The following CRYBA1 variants were observed in gnomAD, a reference collection of about 807,000 sequenced individuals.
The protein encoded by CRYBA1 is crystallin beta A1.
In CRYBA1, 25 loss-of-function variants were observed where a neutral mutation model predicts 36.2. That is an observed-to-expected ratio of 0.69 (90% CI 0.50 to 0.97). CRYBA1 has a LOEUF of 0.97. Ranked by LOEUF, CRYBA1 falls within the 50% of genes least tolerant of loss-of-function variation. The probability of loss-of-function intolerance (pLI) is 0.00; values close to 1 mark genes in which losing one functional copy is unlikely to be tolerated. For missense variants in CRYBA1, 224 were observed against 276.3 expected (o/e 0.81, Z 1.34); for synonymous variants, 111 against 90.0 (o/e 1.23, Z -1.32).
At chr17:29,253,908 A>C (rs1232454753) in intron 5 of CRYBA1, 126 bp downstream of exon 5, 3 of 1,303,574 alleles carry the variant, frequency 2.3e-6, no homozygotes, top group Non-Finnish European at 3.2e-6. Flanking sequence ...CATAATTTTG[A>C]ATCTCAATTT....
rs748058848 is a variant in CRYBA1, at chr17:29,254,243, A to G, written c.542A>G (p.Tyr181Cys). ...YQYPGYRGYQ[Y>C]ILECDHHGGD... ...TATCCTGGATATCGTGGGTATCAGT[A>G]TATCTTGGAATGTGACCATCATGGA... The change falls in exon 6 of 6, where the codon TAT becomes TGT. Residue 181 changes from tyrosine (Y) to cysteine (C), a missense_variant. Tyr to Cys is a radical substitution (Grantham distance 194). Transcript: ENST00000225387. 26 of 1,614,176 alleles carry G rather than the reference A, an allele frequency of 1.6e-5. No homozygotes were observed. The highest frequency in any genetic ancestry group is 1.3e-4 in the East Asian group (6 of 44,884).
chr17:29,251,309 C>T (rs567266334), intron 3 of CRYBA1, among the ~76,000 whole-genome samples: 6 of 152,186 alleles, frequency 3.9e-5, no homozygotes, highest in Admixed American at 1.3e-4. Flanking sequence ...ATAACGATAG[C>T]TGATGACCTA....
rs371089224 is a variant in CRYBA1 at position 29,254,295 on chromosome 17, G to C, written c.594G>C (p.Trp198Cys). 4 of 1,613,838 alleles carry C rather than the reference G, an allele frequency of 2.5e-6. No homozygotes were observed. Among genetic ancestry groups the C allele is most frequent in the Non-Finnish European group, 1.7e-6 (2 of 1,179,962 alleles). ...GAGACTATAAACATTGGAGAGAGTG[G>C]GGCTCTCATGCCCAGACTTCGCAGA... is the stretch of plus-strand genomic sequence containing the variant. ...HGGDYKHWRE[W>C]GSHAQTSQIQ... The change falls in exon 6 of 6, where the codon TGG becomes TGC. Residue 198 changes from tryptophan to cysteine, a missense_variant. By Grantham distance (215) the Trp-to-Cys change is radical. Coordinates refer to ENST00000225387, the MANE Select transcript of CRYBA1 (RefSeq NM_005208.5).
rs763084034 is a variant in CRYBA1, at chr17:29,254,356, A to T, written c.*7A>T. 6.2e-7 allele frequency: 1 copy of T among 1,614,114 alleles called. No homozygotes were observed. Among genetic ancestry groups the T allele is most frequent in the Non-Finnish European group, 8.5e-7 (1 of 1,179,988 alleles). On this transcript the variant is annotated 3_prime_UTR_variant, in exon 6 of 6. Transcript: ENST00000225387. Reference sequence around the variant, plus strand: ...TCGCCGAATCCAACAGTAGCTGATTAAAAGCTCCAAGTACGATAATTCCTC... The same window carrying T: ...TCGCCGAATCCAACAGTAGCTGATTTAAAGCTCCAAGTACGATAATTCCTC...
intron 1 of CRYBA1, among the ~76,000 whole-genome samples, chr17:29,247,203 A>G (rs527481790): frequency 6.6e-6 from 1 of 152,284 alleles, no homozygotes; most frequent in South Asian, 2.1e-4. Context: ...GGAAAAATAT[A>G]TTACAGAGTT....
chr17:29,251,141 A>C (rs2068933150), intron 3 of CRYBA1, among the ~76,000 whole-genome samples: 1 of 152,210 alleles, frequency 6.6e-6, no homozygotes, highest in Admixed American at 6.5e-5. Context: ...GGAAGAAAAA[A>C]GACTAGTAAT....
chr17:29,253,900 T>A, intron 5 of CRYBA1, 118 bp downstream of exon 5: 1 of 1,326,464 alleles, frequency 7.5e-7, no homozygotes, highest in East Asian at 2.5e-5. Context: ...TAGTTCTACA[T>A]AATTTTGAAT....
At chr17:29,251,138 A>G (rs533612445) in intron 3 of CRYBA1, among the ~76,000 whole-genome samples, 1 of 152,352 alleles carries the variant, frequency 6.6e-6, no homozygotes, top group South Asian at 2.1e-4. Flanking sequence ...ACAGGAAGAA[A>G]AAAGACTAGT....
In CRYBA1 at chr17:29,249,181, C is replaced by T. The variant is rs776458394; in HGVS notation, c.71C>T (p.Thr24Met). The change falls in exon 2 of 6, where the codon ACG becomes ATG. Residue 24 changes from threonine (T) to methionine (M), a missense_variant. Transcript: ENST00000225387. ...PTTKMAQTNP[T>M]PGSLGPWKIT... ...ACCAAGATGGCTCAGACCAACCCTACGCCGGGGTCCCTGGGGCCATGGAAG... is the reference window on the plus strand; with the variant it reads ...ACCAAGATGGCTCAGACCAACCCTATGCCGGGGTCCCTGGGGCCATGGAAG... 6 of 1,613,024 alleles carry T rather than the reference C, an allele frequency of 3.7e-6. No individual in the cohort carries two copies. Among genetic ancestry groups the T allele is most frequent in the African/African-American group, 1.3e-5 (1 of 75,004 alleles).
intron 1 of CRYBA1, among the ~76,000 whole-genome samples, chr17:29,247,536 T>TGTA (rs1386939303): frequency 6.6e-6 from 1 of 152,140 alleles, no homozygotes; most frequent in Non-Finnish European, 1.5e-5. Flanking sequence ...CATTTTTGAG[T>TGTA]GTAAGTATTA....
intron 4 of CRYBA1, among the ~76,000 whole-genome samples, chr17:29,253,200 CTCTG>C (rs1394083443): frequency 1.3e-5 from 2 of 152,158 alleles, no homozygotes; most frequent in African/African-American, 2.4e-5. Flanking sequence ...ACAGGTTAGT[CTCTG>C]TCTTTTTAAT....
intron 1 of CRYBA1, among the ~76,000 whole-genome samples, chr17:29,247,399 T>A (rs998928558): frequency 2.0e-5 from 3 of 152,194 alleles, no homozygotes; most frequent in African/African-American, 7.2e-5. Flanking sequence ...ACCTAACCTC[T>A]TTGAGCCTCA....
intron 4 of CRYBA1, 46 bp from the exon 5 acceptor site, chr17:29,253,594 C>T (rs1299812158): frequency 6.8e-7 from 1 of 1,470,690 alleles, no homozygotes; most frequent in Non-Finnish European, 9.5e-7. Flanking sequence ...AGAATGATAG[C>T]CATAGCACTA....
At chr17:29,247,324 T>G (rs1678787289) in intron 1 of CRYBA1, among the ~76,000 whole-genome samples, 1 of 152,192 alleles carries the variant, frequency 6.6e-6, no homozygotes, top group Non-Finnish European at 1.5e-5. Context: ...CCTCCCCCAC[T>G]TTTCCTTCCT....
chr17:29,250,648 G>GA (rs1444778793), intron 3 of CRYBA1, among the ~76,000 whole-genome samples: 1 of 152,094 alleles, frequency 6.6e-6, no homozygotes, highest in African/African-American at 2.4e-5. Context: ...CTTGCCTGCA[G>GA]AAAATTGGTA....
chr17:29,251,205 G>A (rs1175401798), intron 3 of CRYBA1, among the ~76,000 whole-genome samples: 1 of 152,204 alleles, frequency 6.6e-6, no homozygotes, highest in Non-Finnish European at 1.5e-5. Flanking sequence ...CAACAGGTTT[G>A]GCTTGAGCCA....
At chr17:29,248,182 G>A (rs541579196) in intron 1 of CRYBA1, among the ~76,000 whole-genome samples, 35 of 151,954 alleles carry the variant, frequency 2.3e-4, no homozygotes, top group Admixed American at 5.9e-4. Context: ...GAAGGGTTAC[G>A]AGGGAGTCTG....
Position 29,253,708 on chromosome 17 carries a change from T to C in CRYBA1, c.426T>C (p.Ser142=), listed in dbSNP as rs2068949913. Residue 142 remains serine, a synonymous_variant, in exon 5 of 6, where the codon TCT becomes TCC. Transcript: ENST00000225387. Reference sequence around the variant, plus strand: ...TTATTGGACGCCAGTGGGAGATCTCTGACGACTACCCCTCCTTGCAAGCCA... The same window carrying C: ...TTATTGGACGCCAGTGGGAGATCTCCGACGACTACCCCTCCTTGCAAGCCA... The part of the protein sequence containing the change: ...ENFIGRQWEI[S]DDYPSLQAMG... The C allele has an allele frequency of 1.9e-6, 3 of 1,613,940 alleles. No homozygotes were observed. Among genetic ancestry groups the C allele is most frequent in the Admixed American group, 1.7e-5 (1 of 59,996 alleles).
intron 3 of CRYBA1, among the ~76,000 whole-genome samples, chr17:29,250,537 C>A (rs1273164483): frequency 6.6e-6 from 1 of 152,140 alleles, no homozygotes; most frequent in Non-Finnish European, 1.5e-5. Flanking sequence ...GAAATACATA[C>A]AATGGGGTGG....
Sources: allele counts gnomAD v4.1 joint callset (sites outside exome capture counted in the v4.1 genomes callset), GRCh38; gene constraint gnomAD v4.1.1; transcripts MANE v1.5; gene names NCBI Gene and HGNC (gene_info 2026-07-23, HGNC 2026-07-21).